The following CDPF1 variants were observed in gnomAD, a reference collection of about 807,000 sequenced individuals.
The protein encoded by CDPF1 is cysteine-rich DPF motif domain-containing protein 1.
Under a neutral mutation model 8.3 loss-of-function variants are expected in CDPF1, and 8 were observed. That is an observed-to-expected ratio of 0.96 (90% CI 0.57 to 1.74). CDPF1 has a LOEUF of 1.74. Among genes scored for constraint, CDPF1 ranks in the 40% most tolerant of loss-of-function variants. The pLI, the probability that CDPF1 is intolerant of heterozygous loss-of-function variation, is 0.00. For synonymous variants in CDPF1, 62 were observed against 62.9 expected, an observed-to-expected ratio of 0.99 and a Z score of 0.07; for missense variants, 151 against 155.3, an observed-to-expected ratio of 0.97 and a Z score of 0.15.
At position 46,244,941 on chromosome 22, in the gene CDPF1, T is replaced by C; in HGVS notation, c.*151A>G. The C allele has an allele frequency of 1.0e-6, 1 of 967,522 alleles. No individual in the cohort carries two copies. The allele number at this position is 967,522 out of a possible 1,614,324, so 59.9% of individuals were successfully genotyped here. The stretch of plus-strand genomic sequence containing the variant: ...CCCTGGGCCTGTGGCTGCTCCAAGC[T>C]GGACTCCAGCTCCCCTGGGCTGCAG... On this transcript the variant is annotated 3_prime_UTR_variant, in exon 4 of 4. Transcript: ENST00000314567. This position sits in a 1 kb window ranked among gnomAD's most constrained non-coding sequence, Gnocchi z 6.7.
At position 46,248,121 on chromosome 22, in the gene CDPF1, C is replaced by G; in HGVS notation, c.113+51G>C. On this transcript the variant is annotated intron_variant, in intron 2 of 3. Transcript: ENST00000314567. This position sits in a 1 kb window ranked among gnomAD's most constrained non-coding sequence, Gnocchi z 4.1. The stretch of plus-strand genomic sequence containing the variant: ...AGACCTAGGCACACCACCCACCAAC[C>G]AGCACTGGGCACAGGCCTCCCCGGC... 1 of 1,342,688 alleles carries G rather than the reference C, an allele frequency of 7.4e-7. No homozygotes were observed. Among genetic ancestry groups the G allele is most frequent in the Non-Finnish European group, 1.1e-6 (1 of 945,734 alleles). The allele number at this position is 1,342,688 out of a possible 1,614,324, so 83.2% of individuals were successfully genotyped here. A position where few individuals can be genotyped will look rare whatever the true frequency, so the allele number is the denominator to read the frequency against.
Position 46,247,318 on chromosome 22 carries a change from G to T in CDPF1, c.114-97C>A. On this transcript the variant is annotated intron_variant, in intron 2 of 3. Transcript: ENST00000314567. This position sits in a 1 kb window ranked among gnomAD's most constrained non-coding sequence, Gnocchi z 4.3. The stretch of plus-strand genomic sequence containing the variant: ...CCAGGCAGCAGCAGCCTGCACCTCT[G>T]CAGGGCCTGCATACCTGCGTGGGCT... 1 of 799,756 alleles carries T rather than the reference G, an allele frequency of 1.3e-6. No individual in the cohort carries two copies. Among genetic ancestry groups the T allele is most frequent in the Non-Finnish European group, 2.1e-6 (1 of 468,200 alleles). The allele number at this position is 799,756 out of a possible 1,614,324, so 49.5% of individuals were successfully genotyped here. A position where few individuals can be genotyped will look rare whatever the true frequency, so the allele number is the denominator to read the frequency against.
Position 46,245,271 on chromosome 22 carries a change from T to C in CDPF1, c.226-33A>G. 6 of 1,609,712 alleles carry C rather than the reference T, an allele frequency of 3.7e-6. No homozygotes were observed. The highest frequency in any genetic ancestry group is 5.1e-6 in the Non-Finnish European group (6 of 1,176,922). On this transcript the variant is annotated intron_variant, in intron 3 of 3. Transcript: ENST00000314567. This position sits in a 1 kb window ranked among gnomAD's most constrained non-coding sequence, Gnocchi z 6.9. ...AAGTGGACAAGGATGGAGGCTTGAGTATCCTGGGAACATGGTGCAGCTCCT... is the reference window on the plus strand; with the variant it reads ...AAGTGGACAAGGATGGAGGCTTGAGCATCCTGGGAACATGGTGCAGCTCCT...
chr22:46,249,957 T>C lies in CDPF1; in HGVS notation c.-1+299A>G, dbSNP rs135024. 1 allele frequency among the ~76,000 whole-genome samples: 152,344 copies of C among 152,344 alleles called. 76,172 individuals carry two copies. Among genetic ancestry groups the C allele is most frequent in the Non-Finnish European group, 1 (68,042 of 68,042 alleles). ...CCCCTGCCGAGGCTCCTGGGGGCGG[T>C]GCCTGTGAACAGGGACGGCTGAGAG... is the stretch of plus-strand genomic sequence containing the variant. On this transcript the variant is annotated intron_variant, in intron 1 of 3. Coordinates refer to ENST00000314567, the MANE Select transcript of CDPF1 (RefSeq NM_207327.5). This position sits in a 1 kb window ranked among gnomAD's most constrained non-coding sequence, Gnocchi z 4.6.
Position 46,247,043 on chromosome 22 carries a change from TA to T in CDPF1, c.225+66del. On this transcript the variant is annotated intron_variant, in intron 3 of 3. Transcript: ENST00000314567. The surrounding 1 kb of genome is among the most constrained non-coding windows in gnomAD (Gnocchi z 4.3). ...CTGCTCCCTCTCTCCCAGCCCTCCC[TA>T]CCCAGGGAGAGCTCCAGGATAACCA... The T allele has an allele frequency of 7.1e-7, 1 of 1,408,090 alleles. No homozygotes were observed. Among genetic ancestry groups the T allele is most frequent in the Non-Finnish European group, 9.9e-7 (1 of 1,008,392 alleles). The allele number at this position is 1,408,090 out of a possible 1,614,324, so 87.2% of individuals were successfully genotyped here. A position where few individuals can be genotyped will look rare whatever the true frequency, so the allele number is the denominator to read the frequency against.
chr22:46,245,041 G>A lies in CDPF1; in HGVS notation c.*51C>T, dbSNP rs372842974. 9.4e-6 allele frequency: 15 copies of A among 1,601,058 alleles called. No homozygotes were observed. Among genetic ancestry groups the A allele is most frequent in the Non-Finnish European group, 1.3e-5 (15 of 1,172,630 alleles). Reference sequence around the variant, plus strand: ...TCAGCAGCATCCCTGGCGCAGGCTGGCCCAGGAGCTCTGTGCAGGGTGCCG... The same window carrying A: ...TCAGCAGCATCCCTGGCGCAGGCTGACCCAGGAGCTCTGTGCAGGGTGCCG... On this transcript the variant is annotated 3_prime_UTR_variant, in exon 4 of 4. Transcript: ENST00000314567. The surrounding 1 kb of genome is among the most constrained non-coding windows in gnomAD (Gnocchi z 6.9).
At position 46,246,739 on chromosome 22, in the gene CDPF1, C is replaced by A. The variant is rs1555966621; in HGVS notation, c.225+371G>T. The A allele has an allele frequency of 6.2e-7, 1 of 1,602,816 alleles. No homozygotes were observed. The highest frequency in any genetic ancestry group is 1.7e-5 in the Admixed American group (1 of 58,744). On this transcript the variant is annotated intron_variant, in intron 3 of 3. Coordinates refer to ENST00000314567, the MANE Select transcript of CDPF1 (RefSeq NM_207327.5). The surrounding 1 kb of genome is among the most constrained non-coding windows in gnomAD (Gnocchi z 7.1). ...CAGGTCCCAAGCACAGGACCTGGCA[C>A]ACAACAAGTGCTCATGAAAGGACAG...
Position 46,248,301 on chromosome 22 carries a change from TG to T in CDPF1, c.1-18del, listed in dbSNP as rs760353077. The T allele has an allele frequency of 3.0e-5, 47 of 1,544,398 alleles. No individual in the cohort carries two copies. The African/African-American group carries it at 6.2e-4, about 20-fold the overall frequency. ...GGACGCCATCTGCAAGATCAAGAGATGGGGTGTCCCTGGGTCACAGGCTTTC... is the reference window on the plus strand; with the variant it reads ...GGACGCCATCTGCAAGATCAAGAGATGGGTGTCCCTGGGTCACAGGCTTTC... On this transcript the variant is annotated intron_variant, in intron 1 of 3. Coordinates refer to ENST00000314567, the MANE Select transcript of CDPF1 (RefSeq NM_207327.5). The surrounding 1 kb of genome is among the most constrained non-coding windows in gnomAD (Gnocchi z 4.1).
At position 46,245,265 on chromosome 22, in the gene CDPF1, CT is replaced by C. The variant is rs533652718; in HGVS notation, c.226-28del. 119 of 1,611,252 alleles carry C rather than the reference CT, an allele frequency of 7.4e-5. No homozygotes were observed. The African/African-American group carries it at 1.4e-3, about 19-fold the overall frequency. On this transcript the variant is annotated intron_variant, in intron 3 of 3. Transcript: ENST00000314567. The surrounding 1 kb of genome is among the most constrained non-coding windows in gnomAD (Gnocchi z 6.9). Reference sequence around the variant, plus strand: ...TTAAAGAAGTGGACAAGGATGGAGGCTTGAGTATCCTGGGAACATGGTGCAG... The same window carrying C: ...TTAAAGAAGTGGACAAGGATGGAGGCTGAGTATCCTGGGAACATGGTGCAG...
At chr22:46,250,122 C>G (rs113658408) in intron 1 of CDPF1, 134 bp downstream of exon 1, 15,650 of 152,486 alleles carry the variant, frequency 0.1, 888 homozygotes, top group African/African-American at 0.12. Context: ...GCGGCTGCGC[C>G]GACTCCTGGC....
chr22:46,246,719 C>T lies in CDPF1; in HGVS notation c.225+391G>A, dbSNP rs776835438. 1.4e-5 allele frequency: 23 copies of T among 1,599,186 alleles called. No individual in the cohort carries two copies. Among genetic ancestry groups the T allele is most frequent in the South Asian group, 1.0e-4 (9 of 88,434 alleles). On this transcript the variant is annotated intron_variant, in intron 3 of 3. Coordinates refer to ENST00000314567, the MANE Select transcript of CDPF1 (RefSeq NM_207327.5). The surrounding 1 kb of genome is among the most constrained non-coding windows in gnomAD (Gnocchi z 7.1). ...ATGAAGCCTCAGCAGTAAAACAGGT[C>T]CCAAGCACAGGACCTGGCACACAAC...
Position 46,247,950 on chromosome 22 carries a change from G to C in CDPF1, c.113+222C>G, listed in dbSNP as rs1478621036. On this transcript the variant is annotated intron_variant, in intron 2 of 3. Transcript: ENST00000314567. The surrounding 1 kb of genome is among the most constrained non-coding windows in gnomAD (Gnocchi z 4.3). ...GCTGAGCTGCTCCCCCACAGCTAGA[G>C]CAGGTATTGGACTCTGGGCTAGGTG... 6.6e-6 allele frequency among the ~76,000 whole-genome samples: 1 copy of C among 152,244 alleles called. No individual in the cohort carries two copies. The highest frequency in any genetic ancestry group is 1.5e-5 in the Non-Finnish European group (1 of 68,050).
Position 46,245,905 on chromosome 22 carries a change from TCC to T in CDPF1, c.226-669_226-668del, listed in dbSNP as rs1477793050. On this transcript the variant is annotated intron_variant, in intron 3 of 3. Transcript: ENST00000314567. The surrounding 1 kb of genome is among the most constrained non-coding windows in gnomAD (Gnocchi z 6.9). ...TGAAGGCATGGACTGTGCTCTCACG[TCC>T]CTTCCCGCTGCCTGGGATGCAAATA... Among the ~76,000 whole-genome samples the T allele has an allele frequency of 1.3e-5, 2 of 152,192 alleles. No homozygotes were observed. Among genetic ancestry groups the T allele is most frequent in the African/African-American group, 2.4e-5 (1 of 41,444 alleles).
At position 46,248,321 on chromosome 22, in the gene CDPF1, G is replaced by A; in HGVS notation, c.1-37C>T. On this transcript the variant is annotated intron_variant, in intron 1 of 3. Transcript: ENST00000314567. The surrounding 1 kb of genome is among the most constrained non-coding windows in gnomAD (Gnocchi z 4.1). ...AGAGATGGGGTGTCCCTGGGTCACA[G>A]GCTTTCTCAGGAATCCTGCCCCTTT... 7.4e-7 allele frequency: 1 copy of A among 1,346,916 alleles called. No individual in the cohort carries two copies. The highest frequency in any genetic ancestry group is 1.5e-5 in the African/African-American group (1 of 67,534). 83.4% of individuals were successfully genotyped at this position (1,346,916 alleles called of 1,614,324 possible). A position where few individuals can be genotyped will look rare whatever the true frequency, so the allele number is the denominator to read the frequency against.
chr22:46,248,401 C>A lies in CDPF1; in HGVS notation c.1-117G>T. ...CCTAGCACAGTTTCTTGCCTCCCTA[C>A]CGTACCCTTTTCTCTATCCCCAGCT... On this transcript the variant is annotated intron_variant, in intron 1 of 3. Transcript: ENST00000314567. This position sits in a 1 kb window ranked among gnomAD's most constrained non-coding sequence, Gnocchi z 4.1. 1.6e-6 allele frequency: 1 copy of A among 624,318 alleles called. No homozygotes were observed. Among genetic ancestry groups the A allele is most frequent in the Non-Finnish European group, 2.9e-6 (1 of 350,590 alleles). 38.7% of individuals were successfully genotyped at this position (624,318 alleles called of 1,614,324 possible).
Position 46,249,798 on chromosome 22 carries a change from T to A in CDPF1, c.-1+458A>T, listed in dbSNP as rs1184888362. On this transcript the variant is annotated intron_variant, in intron 1 of 3. Coordinates refer to ENST00000314567, the MANE Select transcript of CDPF1 (RefSeq NM_207327.5). This position sits in a 1 kb window ranked among gnomAD's most constrained non-coding sequence, Gnocchi z 4.6. ...GGGGCTGGGGGGGCGGAGGTTGCGG[T>A]GAGCCGAGATCGCGCCACTGCATTC... is the stretch of plus-strand genomic sequence containing the variant. 6.6e-6 allele frequency among the ~76,000 whole-genome samples: 1 copy of A among 151,900 alleles called. No individual in the cohort carries two copies. Among genetic ancestry groups the A allele is most frequent in the Non-Finnish European group, 1.5e-5 (1 of 67,964 alleles).
chr22:46,248,274 T>A lies in CDPF1; in HGVS notation c.11A>T (p.His4Leu). 6.2e-7 allele frequency: 1 copy of A among 1,610,280 alleles called. No homozygotes were observed. Among genetic ancestry groups the A allele is most frequent in the Non-Finnish European group, 8.5e-7 (1 of 1,177,366 alleles). ...CACTCCCAGAGGACGGCACTCTACA[T>A]GGGACGCCATCTGCAAGATCAAGAG... MAS[H>L]VECRPLGVFE... The change falls in exon 2 of 4, where the codon CAT becomes CTT. Residue 4 changes from histidine to leucine, a missense_variant. Physicochemically the swap from His to Leu is moderately conservative, Grantham distance 99. Coordinates refer to ENST00000314567, the MANE Select transcript of CDPF1 (RefSeq NM_207327.5). This position sits in a 1 kb window ranked among gnomAD's most constrained non-coding sequence, Gnocchi z 4.1.
rs1936509042 is a variant in CDPF1, at chr22:46,247,436, C to A, written c.114-215G>T. Among the ~76,000 whole-genome samples the A allele has an allele frequency of 6.6e-6, 1 of 152,212 alleles. No individual in the cohort carries two copies. The highest frequency in any genetic ancestry group is 2.1e-4 in the South Asian group (1 of 4,830). On this transcript the variant is annotated intron_variant, in intron 2 of 3. Coordinates refer to ENST00000314567, the MANE Select transcript of CDPF1 (RefSeq NM_207327.5). The surrounding 1 kb of genome is among the most constrained non-coding windows in gnomAD (Gnocchi z 4.3). ...CACACTGGCACTGAAATTGAACCTG[C>A]TCTCACCTCTGTAACAGCCATGGTA...
In CDPF1 at chr22:46,249,430, C is replaced by T. The variant is rs1008107775; in HGVS notation, c.-1+826G>A. Among the ~76,000 whole-genome samples the T allele has an allele frequency of 1.3e-5, 2 of 152,052 alleles. No individual in the cohort carries two copies. The highest frequency in any genetic ancestry group is 6.5e-5 in the Admixed American group (1 of 15,270). ...CTGGTAGCCAGAGGCGGGCGGATTA[C>T]CTGAGGTCAGGAGTTCAAGACCAAC... On this transcript the variant is annotated intron_variant, in intron 1 of 3. Coordinates refer to ENST00000314567, the MANE Select transcript of CDPF1 (RefSeq NM_207327.5). The surrounding 1 kb of genome is among the most constrained non-coding windows in gnomAD (Gnocchi z 4.6).
Sources: gnomAD v4.1 joint callset for allele counts (sites outside exome capture counted in the v4.1 genomes callset) on GRCh38, gnomAD v4.1.1 for gene constraint, Gnocchi (gnomAD v3.1) non-coding constraint, MANE v1.5 for transcripts, NCBI Gene and HGNC (gene_info 2026-07-23, HGNC 2026-07-21) for gene names.